The following COL22A1 variants were observed in gnomAD, a reference collection of about 807,000 sequenced individuals.
COL22A1 encodes the protein collagen type XXII alpha 1 chain, also known as collagen alpha-1(XXII) chain.
COL22A1 carries 221 observed loss-of-function variants against 248.9 expected under a neutral mutation model. That is an observed-to-expected ratio of 0.89 (90% CI 0.80 to 0.99). COL22A1 has a LOEUF of 0.99. COL22A1 is among the 50% of genes least tolerant of loss of function. The pLI, the probability that COL22A1 is intolerant of heterozygous loss-of-function variation, is 0.00. For missense variants in COL22A1, 2,240 were observed against 2,179.0 expected (o/e 1.03, Z -0.56); for synonymous variants, 891 against 793.4 (o/e 1.12, Z -2.07).
intron 3 of COL22A1, among the ~76,000 whole-genome samples, chr8:138,850,520 C>G (rs1194649897): frequency 1.3e-5 from 2 of 152,180 alleles, no homozygotes; most frequent in Admixed American, 1.3e-4. Flanking sequence ...GGCTCCGGCA[C>G]AGCTGGGCCC....
chr8:138,770,343 C>A (rs950829403), intron 16 of COL22A1, among the ~76,000 whole-genome samples: 1 of 152,216 alleles, frequency 6.6e-6, no homozygotes, highest in African/African-American at 2.4e-5. Context: ...TTATGATTTG[C>A]CCAGCAGCCC....
chr8:138,821,784 G>A (rs1563809691), intron 6 of COL22A1, among the ~76,000 whole-genome samples: 1 of 144,878 alleles, frequency 6.9e-6, no homozygotes, highest in Admixed American at 6.8e-5. Flanking sequence ...TGAGTTGTGA[G>A]ACCAGCCAGA....
intron 12 of COL22A1, among the ~76,000 whole-genome samples, chr8:138,785,357 A>T (rs1192411356): frequency 6.6e-6 from 1 of 152,042 alleles, no homozygotes; most frequent in African/African-American, 2.4e-5. Context: ...GCAAATGATG[A>T]TGTCCATTTC....
intron 29 of COL22A1, 103 bp from the exon 30 acceptor site, chr8:138,715,838 T>C (rs1487586196): frequency 1.2e-6 from 1 of 817,956 alleles, no homozygotes; most frequent in South Asian, 1.6e-5. Flanking sequence ...CATACATGTA[T>C]ATATTTCTCT....
intron 21 of COL22A1, among the ~76,000 whole-genome samples, chr8:138,754,275 G>T (rs1411042611): frequency 6.6e-6 from 1 of 152,046 alleles, no homozygotes; most frequent in Non-Finnish European, 1.5e-5. Context: ...TACAATTGTG[G>T]GCAGCTCTGG....
chr8:138,755,051 G>A (rs562100237), intron 21 of COL22A1, 106 bp downstream of exon 21: 23 of 1,146,020 alleles, frequency 2.0e-5, no homozygotes, highest in Admixed American at 3.7e-5. Context: ...ATGTGAAGGC[G>A]CTTGAGATAA....
chr8:138,701,108 G>A (rs1050265597), intron 31 of COL22A1, among the ~76,000 whole-genome samples: 1 of 151,658 alleles, frequency 6.6e-6, no homozygotes, highest in Admixed American at 6.6e-5. Context: ...CTATGACTAA[G>A]GTCATATGGA....
chr8:138,691,320 G>A (rs1826841703), intron 35 of COL22A1, among the ~76,000 whole-genome samples: 1 of 151,602 alleles, frequency 6.6e-6, no homozygotes, highest in South Asian at 2.1e-4. Context: ...CAGGTTTGTG[G>A]AAGCGTATGT....
At chr8:138,628,811 G>A (rs1820472308) in intron 50 of COL22A1, among the ~76,000 whole-genome samples, 1 of 146,700 alleles carries the variant, frequency 6.8e-6, no homozygotes, top group Non-Finnish European at 1.5e-5. Context: ...TGTTGCCCAG[G>A]CTGGAGTGCG....
At chr8:138,703,487 C>T (rs1828139202) in intron 30 of COL22A1, 140 bp from the exon 31 acceptor site, 1 of 668,312 alleles carries the variant, frequency 1.5e-6, no homozygotes, top group Non-Finnish European at 2.7e-6. Flanking sequence ...GCACCCTGCA[C>T]CTACCTTGAT....
At chr8:138,748,594 A>G (rs2131326769) in intron 22 of COL22A1, among the ~76,000 whole-genome samples, 1 of 152,244 alleles carries the variant, frequency 6.6e-6, no homozygotes, top group South Asian at 2.1e-4. Context: ...CTCAATAAAC[A>G]CCATATCCTA....
intron 3 of COL22A1, among the ~76,000 whole-genome samples, chr8:138,848,929 C>T (rs564159316): frequency 3.3e-5 from 5 of 152,182 alleles, no homozygotes; most frequent in Admixed American, 2.0e-4. Context: ...GAAGCAATCA[C>T]GGCTCATCCA....
At position 138,623,778 on chromosome 8, in the gene COL22A1, T is replaced by G; in HGVS notation, c.3725A>C (p.Glu1242Ala). 4 of 1,612,920 alleles carry G rather than the reference T, an allele frequency of 2.5e-6. No homozygotes were observed. The highest frequency in any genetic ancestry group is 3.4e-6 in the Non-Finnish European group (4 of 1,179,498). ...PSGLPGIPGE[E>A]GKEGRDGKPG... ...CTTTCCATCTCTGCCCTCTTTGCCTTCTTCTCCCTGCAAGAGAAACTCAAA... is the reference window on the plus strand; with the variant it reads ...CTTTCCATCTCTGCCCTCTTTGCCTGCTTCTCCCTGCAAGAGAAACTCAAA... Residue 1242 changes from glutamate to alanine, a missense_variant, in exon 52 of 65, where the codon GAA (glutamate) becomes GCA (alanine). Coordinates refer to ENST00000303045, the MANE Select transcript of COL22A1 (RefSeq NM_152888.3).
intron 27 of COL22A1, among the ~76,000 whole-genome samples, chr8:138,720,366 C>G (rs1829776986): frequency 6.6e-6 from 1 of 152,142 alleles, no homozygotes. Flanking sequence ...CTCACTCCCT[C>G]CCTGCCAGGA....
chr8:138,833,955 C>A (rs1343773863), intron 4 of COL22A1, among the ~76,000 whole-genome samples: 1 of 152,096 alleles, frequency 6.6e-6, no homozygotes, highest in Non-Finnish European at 1.5e-5. Context: ...GTGTAAGACC[C>A]TAAATATGTG....
chr8:138,760,284 T>C lies in COL22A1; in HGVS notation c.1861A>G (p.Arg621Gly). 1 of 1,598,808 alleles carries C rather than the reference T, an allele frequency of 6.3e-7. No homozygotes were observed. The highest frequency in any genetic ancestry group is 1.1e-5 in the South Asian group (1 of 87,728). ...GKPGDTGQQG[R>G]PGPSGVAGPQ... is the part of the protein sequence containing the mutation. ...CCTGCCACACCAGAAGGGCCGGGCC[T>C]GCCCTGGAGGAAAGAAAGAAAAGGC... The change falls in exon 18 of 65, where the codon AGG (arginine) becomes GGG (glycine). Residue 621 changes from arginine (R) to glycine (G), a missense_variant. Transcript: ENST00000303045.
At chr8:138,801,955 A>G (rs2131626632) in intron 11 of COL22A1, among the ~76,000 whole-genome samples, 1 of 152,152 alleles carries the variant, frequency 6.6e-6, no homozygotes, top group Middle Eastern at 3.4e-3. Flanking sequence ...ACAATAACTG[A>G]GGCCCATTTG....
At chr8:138,877,675 C>A (rs1452970513) in intron 3 of COL22A1, 75 bp downstream of exon 3, 1 of 1,428,864 alleles carries the variant, frequency 7.0e-7, no homozygotes, top group East Asian at 2.4e-5. Flanking sequence ...CCCTATCTGC[C>A]CGAGGACCCC....
intron 18 of COL22A1, among the ~76,000 whole-genome samples, chr8:138,758,365 T>C (rs1156337088): frequency 2.0e-5 from 3 of 152,220 alleles, no homozygotes; most frequent in African/African-American, 7.2e-5. Flanking sequence ...TCATACATGA[T>C]TGTTTCCAAC....
Sources: allele counts gnomAD v4.1 joint callset (sites outside exome capture counted in the v4.1 genomes callset), GRCh38; gene constraint gnomAD v4.1.1; transcripts MANE v1.5; gene names NCBI Gene and HGNC (gene_info 2026-07-23, HGNC 2026-07-21).